RBM47: variants seen among roughly 807,000 people sequenced by gnomAD.
The protein encoded by RBM47 is RNA-binding protein 47.
In RBM47, 21 loss-of-function variants were observed where a neutral mutation model predicts 47.1. The ratio of observed to expected loss-of-function variants is 0.45; its 90% CI spans 0.32 to 0.64. The LOEUF (loss-of-function observed/expected upper bound fraction) is 0.64. Ranked by LOEUF, RBM47 falls within the 30% of genes least tolerant of loss-of-function variation. The pLI is 0.05. For missense variants in RBM47, 708 were observed against 870.9 expected (o/e 0.81, Z 2.35); for synonymous variants, 375 against 361.7 (o/e 1.04, Z -0.42).
intron 2 of RBM47, among the ~76,000 whole-genome samples, chr4:40,510,654 G>A (rs986509622): frequency 6.6e-6 from 1 of 152,158 alleles, no homozygotes; most frequent in Non-Finnish European, 1.5e-5. Context: ...CTGACTGAAT[G>A]AATGAGTCCA....
chr4:40,562,303 T>C (rs755464014), intron 1 of RBM47, among the ~76,000 whole-genome samples: 50 of 152,070 alleles, frequency 3.3e-4, no homozygotes, highest in Admixed American at 5.9e-4. Flanking sequence ...CAGGTGAAAG[T>C]TGATCATGCC....
rs1467708575 is a variant in RBM47 at position 40,628,233 on chromosome 4, A to G, written c.-240+1163T>C. ...GACCAGAAAAAAATATTAAAAACCA[A>G]ACCATCTCCTCCTTTCTTTTTTTCC... On this transcript the variant is annotated intron_variant, in intron 1 of 6. Coordinates refer to ENST00000295971, the MANE Select transcript of RBM47 (RefSeq NM_001098634.2). The surrounding 1 kb of genome is among the most constrained non-coding windows in gnomAD (Gnocchi z 4.0). 6.6e-6 allele frequency among the ~76,000 whole-genome samples: 1 copy of G among 152,170 alleles called. No homozygotes were observed. Among genetic ancestry groups the G allele is most frequent in the African/African-American group, 2.4e-5 (1 of 41,434 alleles).
chr4:40,565,048 C>T (rs567971574), intron 1 of RBM47, among the ~76,000 whole-genome samples: 56 of 152,332 alleles, frequency 3.7e-4, no homozygotes, highest in Non-Finnish European at 7.2e-4. Flanking sequence ...TCTATCCAGT[C>T]ACCTCAGCCT....
At chr4:40,493,328 G>A (rs1454218912) in intron 2 of RBM47, among the ~76,000 whole-genome samples, 1 of 152,166 alleles carries the variant, frequency 6.6e-6, no homozygotes, top group Non-Finnish European at 1.5e-5. Flanking sequence ...AGGCAGGAGG[G>A]ATTAATTCTC....
At chr4:40,508,443 C>T (rs899504775) in intron 2 of RBM47, among the ~76,000 whole-genome samples, 3 of 152,186 alleles carry the variant, frequency 2.0e-5, no homozygotes, top group Non-Finnish European at 4.4e-5. Context: ...TGATTTTCAG[C>T]TCATATAGTC....
intron 3 of RBM47, among the ~76,000 whole-genome samples, chr4:40,446,720 C>T (rs1361213615): frequency 9.2e-6 from 1 of 108,424 alleles, no homozygotes; most frequent in Non-Finnish European, 1.7e-5. Flanking sequence ...GCCTAGGTGA[C>T]AGAGCAAGAC....
intron 6 of RBM47, among the ~76,000 whole-genome samples, chr4:40,432,334 C>T (rs544267612): frequency 6.6e-6 from 1 of 152,078 alleles, no homozygotes; most frequent in African/African-American, 2.4e-5. Flanking sequence ...TGTGTCAGCT[C>T]TTTAACAATA....
intron 1 of RBM47, among the ~76,000 whole-genome samples, chr4:40,620,741 C>A (rs1411273058): frequency 1.3e-5 from 2 of 151,510 alleles, no homozygotes; most frequent in Non-Finnish European, 2.9e-5. Context: ...GCCATGTTGC[C>A]CAGGCTGCTT....
chr4:40,451,102 T>C (rs554569152), intron 3 of RBM47, among the ~76,000 whole-genome samples: 6 of 151,122 alleles, frequency 4.0e-5, no homozygotes, highest in Admixed American at 1.3e-4. Flanking sequence ...ATCCCAGCAC[T>C]TTGTGAGGTT....
intron 2 of RBM47, among the ~76,000 whole-genome samples, chr4:40,504,746 C>T (rs935010058): frequency 6.6e-6 from 1 of 152,200 alleles, no homozygotes; most frequent in African/African-American, 2.4e-5. Context: ...TATTGGATTA[C>T]TTATTTGTGC....
At chr4:40,512,947 CCACTTGT>C (rs1725145184) in intron 2 of RBM47, among the ~76,000 whole-genome samples, 4 of 152,118 alleles carry the variant, frequency 2.6e-5, no homozygotes, top group Admixed American at 6.6e-5. Flanking sequence ...AAACATTAAT[CCACTTGT>C]CAAAAGTTAC....
At chr4:40,498,054 TTATATATATA>T (rs6148409) in intron 2 of RBM47, among the ~76,000 whole-genome samples, 9 of 109,870 alleles carry the variant, frequency 8.2e-5, no homozygotes, top group South Asian at 2.7e-4. Context: ...AGTGCTTGTT[TTATATATATA>T]TATATATATA....
chr4:40,492,119 A>C (rs1721962672), intron 2 of RBM47: 1 of 151,982 alleles, frequency 6.6e-6, no homozygotes, highest in Non-Finnish European at 1.5e-5. Flanking sequence ...CTGTAATCCC[A>C]GCACTTTGGG....
chr4:40,549,634 T>C (rs559860934), intron 1 of RBM47, among the ~76,000 whole-genome samples: 11 of 150,932 alleles, frequency 7.3e-5, no homozygotes, highest in South Asian at 2.1e-4. Context: ...GCAATTCTCC[T>C]GCCTCAGCCT....
At chr4:40,616,224 G>A (rs993671178) in intron 1 of RBM47, among the ~76,000 whole-genome samples, 5 of 151,942 alleles carry the variant, frequency 3.3e-5, no homozygotes, top group African/African-American at 9.7e-5. Flanking sequence ...CATGGTGGCG[G>A]GCGCCTGTAG....
intron 2 of RBM47, among the ~76,000 whole-genome samples, chr4:40,531,575 G>A (rs1042051425): frequency 2.6e-5 from 4 of 152,164 alleles, no homozygotes; most frequent in African/African-American, 7.2e-5. Flanking sequence ...TGATAGCTAG[G>A]CACAGATAGG....
intron 2 of RBM47, among the ~76,000 whole-genome samples, chr4:40,469,165 G>A (rs930832229): frequency 1.3e-5 from 2 of 152,122 alleles, no homozygotes; most frequent in African/African-American, 4.8e-5. Flanking sequence ...TTCTGTAATG[G>A]TAAAATGTCT....
intron 1 of RBM47, among the ~76,000 whole-genome samples, chr4:40,596,101 T>A (rs1478401430): frequency 1.3e-5 from 2 of 152,218 alleles, no homozygotes; most frequent in Non-Finnish European, 2.9e-5. Context: ...GGGCAAAGCA[T>A]GCTGCTAAGA....
chr4:40,499,893 ATATAAT>A (rs1320271931), intron 2 of RBM47, among the ~76,000 whole-genome samples: 2 of 152,236 alleles, frequency 1.3e-5, no homozygotes, highest in East Asian at 1.9e-4. Flanking sequence ...ATCCATAATA[ATATAAT>A]TATAACCCTC....
Sources: gnomAD v4.1 joint callset for allele counts (sites outside exome capture counted in the v4.1 genomes callset) on GRCh38, gnomAD v4.1.1 for gene constraint, Gnocchi (gnomAD v3.1) non-coding constraint, MANE v1.5 for transcripts, NCBI Gene and HGNC (gene_info 2026-07-23, HGNC 2026-07-21) for gene names.